ZNF475: variants seen among roughly 807,000 people sequenced by gnomAD.
The protein encoded by ZNF475 is zinc finger protein 475.
chr5:122,160,601 T>G, the ZNF475 span, among the ~76,000 whole-genome samples: 1 of 152,180 alleles, frequency 6.6e-6, no homozygotes, highest in Non-Finnish European at 1.5e-5. Context: ...TGCTCTTTCT[T>G]TGCATTGGCG....
chr5:122,171,334 A>G, the ZNF475 span, among the ~76,000 whole-genome samples: 2 of 152,314 alleles, frequency 1.3e-5, no homozygotes, highest in Middle Eastern at 3.4e-3. Context: ...AAAGTATAAA[A>G]GTTACCCCAC....
the ZNF475 span, among the ~76,000 whole-genome samples, chr5:122,180,541 C>G: frequency 2.9e-3 from 445 of 152,298 alleles, 2 homozygotes; most frequent in African/African-American, 0.01. Context: ...ATATTTTTGC[C>G]ATGCAAGCTC....
At chr5:122,172,618 TC>T in the ZNF475 span, among the ~76,000 whole-genome samples, 1 of 152,242 alleles carries the variant, frequency 6.6e-6, no homozygotes, top group Non-Finnish European at 1.5e-5. Flanking sequence ...CTTACCAATT[TC>T]TATTTCATGA....
At chr5:122,179,629 A>G in the ZNF475 span, 1 of 1,534,524 alleles carries the variant, frequency 6.5e-7, no homozygotes, top group African/African-American at 1.4e-5. Context: ...ATTAGCATTC[A>G]TGAGCCACAA....
chr5:122,175,807 A>G, the ZNF475 span, among the ~76,000 whole-genome samples: 1 of 152,048 alleles, frequency 6.6e-6, no homozygotes, highest in African/African-American at 2.4e-5. Flanking sequence ...TTGTGGGCCT[A>G]TACTCTTTTC....
the ZNF475 span, among the ~76,000 whole-genome samples, chr5:122,173,027 C>T: frequency 6.6e-6 from 1 of 151,298 alleles, no homozygotes; most frequent in Non-Finnish European, 1.5e-5. Flanking sequence ...AGCGAGACTC[C>T]GTCTCAGAAA....
At chr5:122,179,018 C>A in the ZNF475 span, among the ~76,000 whole-genome samples, 1 of 151,954 alleles carries the variant, frequency 6.6e-6, no homozygotes, top group South Asian at 2.1e-4. Flanking sequence ...CTTATTTTTT[C>A]TCAGGTTTGT....
the ZNF475 span, among the ~76,000 whole-genome samples, chr5:122,178,077 T>A: frequency 1.3e-5 from 2 of 152,160 alleles, no homozygotes; most frequent in Admixed American, 1.3e-4. Context: ...CATGAACTCA[T>A]CCTTTTTTAA....
the ZNF475 span, chr5:122,179,565 C>T: frequency 3.3e-6 from 5 of 1,509,318 alleles, no homozygotes; most frequent in South Asian, 2.5e-5. Context: ...AATGATACGG[C>T]GTCCACCAGC....
At chr5:122,182,430 CT>C in the ZNF475 span, 1 of 1,327,506 alleles carries the variant, frequency 7.5e-7, no homozygotes. Context: ...TTTTCTTTCC[CT>C]TTTGTTTTTG....
At chr5:122,180,175 T>C in the ZNF475 span, 1 of 152,762 alleles carries the variant, frequency 6.5e-6, no homozygotes, top group South Asian at 2.1e-4. Context: ...AACTCGAATT[T>C]TCACCAGGTC....
the ZNF475 span, among the ~76,000 whole-genome samples, chr5:122,176,618 CATG>C: frequency 1.1e-4 from 16 of 152,134 alleles, no homozygotes; most frequent in African/African-American, 3.9e-4. Flanking sequence ...GAGTGTAAGA[CATG>C]GTGGGTAGGA....
chr5:122,165,019 T>C, the ZNF475 span, among the ~76,000 whole-genome samples: 76 of 152,324 alleles, frequency 5.0e-4, 1 homozygote, highest in South Asian at 0.015. Context: ...GAGTTCAATA[T>C]GGTCATTCCC....
the ZNF475 span, among the ~76,000 whole-genome samples, chr5:122,166,186 A>T: frequency 1.3e-5 from 2 of 152,250 alleles, no homozygotes; most frequent in Non-Finnish European, 2.9e-5. Context: ...AAATGGTGTG[A>T]CACAAGGGGA....
At chr5:122,180,930 G>T in the ZNF475 span, among the ~76,000 whole-genome samples, 1 of 152,106 alleles carries the variant, frequency 6.6e-6, no homozygotes, top group Non-Finnish European at 1.5e-5. Flanking sequence ...CCATAAACAG[G>T]TTGTTTACCT....
At chr5:122,161,428 G>C in the ZNF475 span, among the ~76,000 whole-genome samples, 229 of 152,282 alleles carry the variant, frequency 1.5e-3, no homozygotes, top group African/African-American at 5.1e-3. Context: ...AGAAAGGAAG[G>C]ATAAGGAGAG....
the ZNF475 span, among the ~76,000 whole-genome samples, chr5:122,178,676 T>G: frequency 1.3e-5 from 2 of 152,126 alleles, no homozygotes; most frequent in African/African-American, 4.8e-5. Context: ...TTTCTCCCAT[T>G]TTGTAGGTTG....
At chr5:122,164,140 A>G in the ZNF475 span, among the ~76,000 whole-genome samples, 1 of 152,176 alleles carries the variant, frequency 6.6e-6, no homozygotes, top group Admixed American at 6.5e-5. Context: ...CATTTCTTAG[A>G]AATGAGATAT....
the ZNF475 span, chr5:122,182,530 C>A: frequency 6.5e-7 from 1 of 1,532,938 alleles, no homozygotes; most frequent in Non-Finnish European, 8.7e-7. Flanking sequence ...AATGAAGCTG[C>A]TTGGACAAGT....
Sources: gnomAD v4.1 joint callset for allele counts (sites outside exome capture counted in the v4.1 genomes callset) on GRCh38, gnomAD v4.1.1 for gene constraint, MANE v1.5 for transcripts, NCBI Gene and HGNC (gene_info 2026-07-23, HGNC 2026-07-21) for gene names.